Variants in TBCD observed in about 807,000 individuals in gnomAD.
TBCD encodes the protein tubulin folding cofactor D.
A neutral mutation model predicts 169.3 loss-of-function variants in TBCD; 105 were observed. The observed-to-expected ratio is 0.62, with a 90% confidence interval of 0.53 to 0.73. TBCD has a LOEUF of 0.73. TBCD is among the 30% of genes least tolerant of loss of function. The pLI, the probability that TBCD is intolerant of heterozygous loss-of-function variation, is 0.00. For synonymous variants in TBCD, 700 were observed against 643.9 expected (o/e 1.09, Z -1.32); for missense variants, 1,444 against 1,600.1 (o/e 0.90, Z 1.66).
intron 9 of TBCD, among the ~76,000 whole-genome samples, chr17:82,801,773 G>A (rs543740251): frequency 7.0e-4 from 100 of 142,636 alleles, no homozygotes; most frequent in Non-Finnish European, 1.2e-3. Flanking sequence ...AGCGTGGCAG[G>A]AGGGCGGCGT....
At position 82,920,599 on chromosome 17, in the gene TBCD, T is replaced by C. The variant is rs1026355588; in HGVS notation, c.2082T>C (p.Phe694=). 1.9e-6 allele frequency: 3 copies of C among 1,551,918 alleles called. No homozygotes were observed. The highest frequency in any genetic ancestry group is 2.6e-6 in the Non-Finnish European group (3 of 1,147,928). Reference sequence around the variant, plus strand: ...AGTTGTCACTTTCCAAAATGCCCTTTAGAGGTGACACCGTAATTGGTAAGT... The same window carrying C: ...AGTTGTCACTTTCCAAAATGCCCTTCAGAGGTGACACCGTAATTGGTAAGT... ...IEKLSLSKMP[F]RGDTVIDGWQ... Residue 694 remains phenylalanine (F), a synonymous_variant, in exon 24 of 39, where the codon TTT becomes TTC. Transcript: ENST00000355528. This position sits in a 1 kb window ranked among gnomAD's most constrained non-coding sequence, Gnocchi z 4.1.
chr17:82,860,155 C>T (rs540838601), intron 13 of TBCD, among the ~76,000 whole-genome samples: 5 of 152,212 alleles, frequency 3.3e-5, no homozygotes, highest in South Asian at 2.1e-4. Context: ...TTAATTCTCC[C>T]GAATGCCTGT....
rs76948795 is a variant in TBCD at position 82,944,529 on chromosome 17, G to A, written c.*2066G>A. On this transcript the variant is annotated 3_prime_UTR_variant, in exon 39 of 39. Transcript: ENST00000355528. ...GAATGGCATGTTGGGTGTTGACTCCGAGAAGGTGTTCAGAAAACCTCTCTG... is the reference window on the plus strand; with the variant it reads ...GAATGGCATGTTGGGTGTTGACTCCAAGAAGGTGTTCAGAAAACCTCTCTG... The A allele has an allele frequency of 0.019, 2,847 of 152,398 alleles. 38 individuals carry two copies. Among genetic ancestry groups the A allele is most frequent in the Non-Finnish European group, 0.027 (1,813 of 68,072 alleles). The allele number at this position is 152,398 out of a possible 1,614,324, so 9.4% of individuals were successfully genotyped here.
chr17:82,752,254 C>G lies in TBCD; in HGVS notation c.61C>G (p.Leu21Val). The G allele has an allele frequency of 3.3e-6, 5 of 1,524,148 alleles. No individual in the cohort carries two copies. The highest frequency in any genetic ancestry group is 4.4e-6 in the Non-Finnish European group (5 of 1,139,996). The allele number at this position is 1,524,148 out of a possible 1,614,324, so 94.4% of individuals were successfully genotyped here. The change falls in exon 1 of 39, where the codon CTG becomes GTG. Residue 21 changes from leucine to valine, a missense_variant. Coordinates refer to ENST00000355528, the MANE Select transcript of TBCD (RefSeq NM_005993.5). ...GPEEEAEDET[L>V]AFGAALEAFG... ...CGAGGAGGAGGCGGAGGACGAGACA[C>G]TGGCCTTTGGCGCGGCGCTGGAAGC...
intron 6 of TBCD, among the ~76,000 whole-genome samples, chr17:82,779,331 G>C (rs2048799572): frequency 1.3e-5 from 2 of 152,056 alleles, no homozygotes; most frequent in Admixed American, 6.6e-5. Context: ...ATGTTTACCA[G>C]GCTGGTCTTG....
At chr17:82,933,817 T>C (rs1262024596) in intron 34 of TBCD, among the ~76,000 whole-genome samples, 2 of 152,064 alleles carry the variant, frequency 1.3e-5, no homozygotes, top group Non-Finnish European at 2.9e-5. Flanking sequence ...TTCACCACAT[T>C]GGTCAGGCTG....
intron 13 of TBCD, among the ~76,000 whole-genome samples, chr17:82,856,597 CACAGTTG>C (rs2056301080): frequency 6.6e-6 from 1 of 152,238 alleles, no homozygotes; most frequent in African/African-American, 2.4e-5. Context: ...AGGGCCCTTA[CACAGTTG>C]ACGGACACTT....
intron 14 of TBCD, among the ~76,000 whole-genome samples, chr17:82,879,980 A>G (rs1345556614): frequency 2.0e-5 from 3 of 151,682 alleles, no homozygotes; most frequent in Admixed American, 6.6e-5. Context: ...CTGGAGGCTC[A>G]GGGGGGCTCA....
At chr17:82,909,337 T>G in intron 22 of TBCD, 30 bp downstream of exon 22, 1 of 1,513,308 alleles carries the variant, frequency 6.6e-7, no homozygotes, top group Non-Finnish European at 9.0e-7. Flanking sequence ...AGTTCTTATA[T>G]CTGTGTCCTA....
intron 12 of TBCD, among the ~76,000 whole-genome samples, chr17:82,811,504 T>G (rs1382153741): frequency 6.6e-6 from 1 of 152,214 alleles, no homozygotes; most frequent in Non-Finnish European, 1.5e-5. Flanking sequence ...GGGTGGCCTT[T>G]TTACTCTTGA....
chr17:82,764,033 G>C lies in TBCD; in HGVS notation c.304G>C (p.Ala102Pro). The C allele has an allele frequency of 1.9e-6, 3 of 1,613,844 alleles. No individual in the cohort carries two copies. The highest frequency in any genetic ancestry group is 1.6e-4 in the Middle Eastern group (1 of 6,062). The change falls in exon 3 of 39, where the codon GCT becomes CCT. Residue 102 changes from alanine (A) to proline (P), a missense_variant. Ala to Pro is a conservative substitution (Grantham distance 27). Transcript: ENST00000355528. ...QTSPASLVHL[A>P]FKFLYIITKV... ...ATCTCCAGCTTCCCTTGTACATCTG[G>C]CTTTTAAATTTCTTTACATCATCAC... is the stretch of plus-strand genomic sequence containing the variant.
At chr17:82,855,319 C>T (rs983572817) in intron 13 of TBCD, among the ~76,000 whole-genome samples, 1 of 133,694 alleles carries the variant, frequency 7.5e-6, no homozygotes, top group Admixed American at 9.0e-5. Context: ...GGAGTGAGTG[C>T]CATGGTGTAG....
chr17:82,792,611 C>T (rs1217385811), intron 7 of TBCD, among the ~76,000 whole-genome samples: 1 of 152,214 alleles, frequency 6.6e-6, no homozygotes, highest in Non-Finnish European at 1.5e-5. Flanking sequence ...TGGATGAGGA[C>T]ATGGACCCAG....
chr17:82,831,708 C>G lies in TBCD; in HGVS notation c.1318+16774C>G. ...GCGAGTAGATGGTGGCCAGCCCGTG[C>G]TCTGTGTAAAAGTGAGGCGGGTACT... On this transcript the variant is annotated intron_variant, in intron 13 of 38. Transcript: ENST00000355528. This position sits in a 1 kb window ranked among gnomAD's most constrained non-coding sequence, Gnocchi z 4.6. 6.2e-7 allele frequency: 1 copy of G among 1,614,124 alleles called. No homozygotes were observed. The highest frequency in any genetic ancestry group is 8.5e-7 in the Non-Finnish European group (1 of 1,180,042).
chr17:82,795,766 C>G (rs1374210508), intron 7 of TBCD: 3 of 240,588 alleles, frequency 1.2e-5, no homozygotes, highest in African/African-American at 4.6e-5. Context: ...GGGCCTCTGC[C>G]GAGAAGACCA....
chr17:82,800,358 C>T (rs1568152846), intron 8 of TBCD, among the ~76,000 whole-genome samples: 1 of 152,146 alleles, frequency 6.6e-6, no homozygotes, highest in Non-Finnish European at 1.5e-5. Context: ...ATTGTCATCA[C>T]TGCATGACAC....
chr17:82,801,871 G>A (rs1199663224), intron 9 of TBCD, among the ~76,000 whole-genome samples: 3 of 146,214 alleles, frequency 2.1e-5, no homozygotes, highest in African/African-American at 5.1e-5. Flanking sequence ...GGAGGGCGTC[G>A]TGTGCGTCGT....
At chr17:82,898,411 C>T (rs1350085534) in intron 17 of TBCD, among the ~76,000 whole-genome samples, 1 of 152,206 alleles carries the variant, frequency 6.6e-6, no homozygotes, top group East Asian at 1.9e-4. Flanking sequence ...TCCCACAGCT[C>T]TGCTGCAGAC....
rs1448888759 is a variant in TBCD, at chr17:82,789,453, C to G, written c.771+7732C>G. Among the ~76,000 whole-genome samples, 1 of 152,214 alleles carries G rather than the reference C, an allele frequency of 6.6e-6. No individual in the cohort carries two copies. The highest frequency in any genetic ancestry group is 2.4e-5 in the African/African-American group (1 of 41,448). ...GGGCTTGGCGGGTCACCAGCCTCAC[C>G]CCGCTCAGTTCTTAGATGAGGAAGA... is the stretch of plus-strand genomic sequence containing the variant. On this transcript the variant is annotated intron_variant, in intron 7 of 38. Transcript: ENST00000355528. The surrounding 1 kb of genome is among the most constrained non-coding windows in gnomAD (Gnocchi z 4.8).
Sources: allele counts gnomAD v4.1 joint callset (sites outside exome capture counted in the v4.1 genomes callset), GRCh38; gene constraint gnomAD v4.1.1; non-coding constraint Gnocchi (gnomAD v3.1); transcripts MANE v1.5; gene names NCBI Gene and HGNC (gene_info 2026-07-23, HGNC 2026-07-21).